Variants in CCDC148 observed in about 807,000 individuals in gnomAD.
The protein encoded by CCDC148 is coiled-coil domain-containing protein 148.
CCDC148 carries 89 observed loss-of-function variants against 85.7 expected under a neutral mutation model. The ratio of observed to expected loss-of-function variants is 1.04; its 90% CI spans 0.87 to 1.24. The LOEUF (loss-of-function observed/expected upper bound fraction) is 1.24. Among genes scored for constraint, CCDC148 ranks in the 50% most tolerant of loss-of-function variants. The pLI is 0.00. For missense variants in CCDC148, 692 were observed against 671.7 expected (o/e 1.03, Z -0.33); for synonymous variants, 230 against 213.9 (o/e 1.08, Z -0.66).
At chr2:158,319,329 C>A (rs1047997605) in intron 7 of CCDC148, among the ~76,000 whole-genome samples, 1 of 152,166 alleles carries the variant, frequency 6.6e-6, no homozygotes, top group Non-Finnish European at 1.5e-5. Context: ...CACAAACACC[C>A]ATTCACAAAC....
At chr2:158,298,270 A>T (rs1370719474) in intron 9 of CCDC148, among the ~76,000 whole-genome samples, 6 of 152,158 alleles carry the variant, frequency 3.9e-5, no homozygotes, top group African/African-American at 1.4e-4. Context: ...GTAGGGATAC[A>T]GCCAAACCGT....
intron 1 of CCDC148, among the ~76,000 whole-genome samples, chr2:158,386,444 A>C (rs115234061): frequency 6.6e-6 from 1 of 152,158 alleles, no homozygotes; most frequent in South Asian, 2.1e-4. Context: ...TTCCCGGTAC[A>C]TGAAGGCAAA....
intron 7 of CCDC148, among the ~76,000 whole-genome samples, chr2:158,324,616 A>T (rs1692679870): frequency 6.6e-6 from 1 of 152,178 alleles, no homozygotes; most frequent in African/African-American, 2.4e-5. Context: ...GACAAAGAGT[A>T]CTCACATTTA....
At chr2:158,266,333 A>G (rs1689451240) in intron 9 of CCDC148, among the ~76,000 whole-genome samples, 1 of 152,160 alleles carries the variant, frequency 6.6e-6, no homozygotes, top group Non-Finnish European at 1.5e-5. Context: ...GACTCCAGCC[A>G]GTTGCTGCCA....
rs751833481 is a variant in CCDC148, at chr2:158,172,110, G to C, written c.*3C>G. ...CTTTACATATAGAATTTGAGGATGA[G>C]CTCTATATTTTAAATACAGTAGACT... On this transcript the variant is annotated 3_prime_UTR_variant, in exon 14 of 14. Transcript: ENST00000283233. 5.0e-6 allele frequency: 8 copies of C among 1,585,302 alleles called. No homozygotes were observed. Among genetic ancestry groups the C allele is most frequent in the African/African-American group, 1.4e-5 (1 of 73,518 alleles).
intron 1 of CCDC148, among the ~76,000 whole-genome samples, chr2:158,374,498 A>T (rs1248936363): frequency 6.6e-6 from 1 of 151,942 alleles, no homozygotes; most frequent in East Asian, 1.9e-4. Context: ...GACTTCAAAC[A>T]ATACTACCCC....
At chr2:158,292,013 T>A (rs1029030181) in intron 9 of CCDC148, among the ~76,000 whole-genome samples, 1 of 152,222 alleles carries the variant, frequency 6.6e-6, no homozygotes, top group African/African-American at 2.4e-5. Context: ...ATGTCTTTTA[T>A]GGTCTTTTCA....
chr2:158,267,333 C>G (rs1158480377), intron 9 of CCDC148, among the ~76,000 whole-genome samples: 7 of 152,170 alleles, frequency 4.6e-5, no homozygotes, highest in African/African-American at 1.2e-4. Context: ...AGACTCAGCT[C>G]AAGCATCTCT....
chr2:158,260,065 T>A (rs982924909), intron 9 of CCDC148, among the ~76,000 whole-genome samples: 1 of 151,980 alleles, frequency 6.6e-6, no homozygotes, highest in Admixed American at 6.6e-5. Context: ...GTTTTATTAA[T>A]CAATTGATTT....
intron 6 of CCDC148, 32 bp from the exon 7 acceptor site, chr2:158,338,939 C>T (rs745548518): frequency 1.9e-6 from 3 of 1,599,256 alleles, no homozygotes; most frequent in African/African-American, 2.7e-5. Flanking sequence ...TTTTATTTAA[C>T]ATAAACGACA....
intron 11 of CCDC148, among the ~76,000 whole-genome samples, chr2:158,200,611 G>A (rs1396883625): frequency 6.6e-6 from 1 of 152,108 alleles, no homozygotes; most frequent in Admixed American, 6.6e-5. Context: ...AAATTGATTG[G>A]CTTCAGGTAA....
chr2:158,429,299 T>C (rs977678948), intron 1 of CCDC148, among the ~76,000 whole-genome samples: 4 of 152,002 alleles, frequency 2.6e-5, no homozygotes, highest in Non-Finnish European at 4.4e-5. Flanking sequence ...AATAAAAAAA[T>C]AAGTTTGAAA....
intron 1 of CCDC148, among the ~76,000 whole-genome samples, chr2:158,402,879 G>A (rs553324915): frequency 6.6e-5 from 10 of 152,184 alleles, no homozygotes; most frequent in Admixed American, 1.3e-4. Context: ...TGAAGGTCAC[G>A]TGATTTTGTT....
intron 7 of CCDC148, among the ~76,000 whole-genome samples, chr2:158,337,122 G>A (rs756278453): frequency 8.4e-4 from 128 of 152,272 alleles, no homozygotes; most frequent in Non-Finnish European, 1.6e-3. Flanking sequence ...TAAAAAGAAA[G>A]AAGGAAAATG....
Position 158,241,150 on chromosome 2 carries a change from G to T in CCDC148, c.1251+9622C>A, listed in dbSNP as rs531721201. Among the ~76,000 whole-genome samples the T allele has an allele frequency of 4.6e-5, 7 of 152,260 alleles. No individual in the cohort carries two copies. In the South Asian group the frequency reaches 1.4e-3, roughly 32 times the overall value. The stretch of plus-strand genomic sequence containing the variant: ...GGCTTTGTTGATACTCCCTGAGAAA[G>T]CAGGAAGTAAATCTCAAAGTCACAC... On this transcript the variant is annotated intron_variant, in intron 10 of 13. Coordinates refer to ENST00000283233, the MANE Select transcript of CCDC148 (RefSeq NM_138803.4).
At chr2:158,245,916 G>C (rs922569697) in intron 10 of CCDC148, among the ~76,000 whole-genome samples, 3 of 152,138 alleles carry the variant, frequency 2.0e-5, no homozygotes. Context: ...CTTTCTTTGA[G>C]TCTTAAAACT....
At chr2:158,197,549 T>C (rs942202799) in intron 11 of CCDC148, among the ~76,000 whole-genome samples, 1 of 152,126 alleles carries the variant, frequency 6.6e-6, no homozygotes, top group Non-Finnish European at 1.5e-5. Flanking sequence ...CAAAGAAACA[T>C]CCTGTCTAAA....
intron 1 of CCDC148, among the ~76,000 whole-genome samples, chr2:158,378,485 A>G (rs1191178899): frequency 6.6e-6 from 1 of 152,160 alleles, no homozygotes; most frequent in Non-Finnish European, 1.5e-5. Flanking sequence ...TGCTAACATC[A>G]TTGGTGAAGG....
At chr2:158,455,042 C>A (rs192897774) in intron 1 of CCDC148, among the ~76,000 whole-genome samples, 2 of 152,092 alleles carry the variant, frequency 1.3e-5, no homozygotes, top group Non-Finnish European at 2.9e-5. Context: ...AGAAAAGACC[C>A]ATTTTTTCTT....
Sources: gnomAD v4.1 joint callset for allele counts (sites outside exome capture counted in the v4.1 genomes callset) on GRCh38, gnomAD v4.1.1 for gene constraint, MANE v1.5 for transcripts, NCBI Gene and HGNC (gene_info 2026-07-23, HGNC 2026-07-21) for gene names.